Variants in DNAH2 observed in about 807,000 individuals in gnomAD.
DNAH2 encodes the protein axonemal beta dynein heavy chain 2.
DNAH2 carries 323 observed loss-of-function variants against 523.5 expected under a neutral mutation model. The ratio of observed to expected loss-of-function variants is 0.62; its 90% CI spans 0.56 to 0.68. DNAH2 has a LOEUF of 0.68. DNAH2 is among the 30% of genes least tolerant of loss of function. DNAH2 has a pLI of 0.00. For synonymous variants in DNAH2, 2,093 were observed against 2,177.4 expected (o/e 0.96, Z 1.08); for missense variants, 4,907 against 5,701.5 (o/e 0.86, Z 4.49).
chr17:7,792,507 G>T, intron 46 of DNAH2, 150 bp from the exon 47 acceptor site: 1 of 962,960 alleles, frequency 1.0e-6, no homozygotes, highest in Non-Finnish European at 1.6e-6. Flanking sequence ...AGAGGGCTTG[G>T]GACAGGGTCT....
chr17:7,727,688 G>A (rs1370852889), intron 4 of DNAH2, among the ~76,000 whole-genome samples: 4 of 149,958 alleles, frequency 2.7e-5, no homozygotes, highest in African/African-American at 5.0e-5. Context: ...CCTGGGAGGC[G>A]GAGGTTTCAG....
intron 63 of DNAH2, among the ~76,000 whole-genome samples, chr17:7,811,243 G>A (rs932336815): frequency 6.6e-6 from 1 of 152,020 alleles, no homozygotes; most frequent in Non-Finnish European, 1.5e-5. Flanking sequence ...GCATTAAAAC[G>A]CTCCAATAAT....
At chr17:7,728,841 C>T (rs1268227838) in intron 4 of DNAH2, among the ~76,000 whole-genome samples, 1 of 151,950 alleles carries the variant, frequency 6.6e-6, no homozygotes, top group Non-Finnish European at 1.5e-5. Flanking sequence ...AAAAATTAGC[C>T]AGGCATGATG....
Position 7,818,919 on chromosome 17 carries a change from G to T in DNAH2, c.10671G>T (p.Arg3557=). 1 of 1,611,688 alleles carries T rather than the reference G, an allele frequency of 6.2e-7. No homozygotes were observed. Among genetic ancestry groups the T allele is most frequent in the Non-Finnish European group, 8.5e-7 (1 of 1,178,990 alleles). ...CATGTGCCTCTGGGCCTCCCCCTAG[G>T]CTGCTGAATGAGGCCACCGGCTCCC... ...KLKELEDEIL[R]LLNEATGSLL... Residue 3557 remains arginine, a splice_region_variant and synonymous_variant, in exon 71 of 86, where the codon CGG becomes CGT. Coordinates refer to ENST00000572933, the MANE Select transcript of DNAH2 (RefSeq NM_020877.5).
rs966389182 is a variant in DNAH2, at chr17:7,805,048, C to T, written c.9274C>T (p.Leu3092=). Residue 3092 remains leucine (L), a synonymous_variant, in exon 60 of 86, where the codon CTG becomes TTG. Coordinates refer to ENST00000572933, the MANE Select transcript of DNAH2 (RefSeq NM_020877.5). ...DNAQKDLEEA[L]PALEEAMRAL... is the part of the protein sequence containing the mutation. ...TGCCCAGAAAGATCTAGAAGAGGCA[C>T]TGCCCGCCCTGGAAGAGGCCATGCG... The T allele has an allele frequency of 2.5e-6, 4 of 1,614,014 alleles. No homozygotes were observed. The highest frequency in any genetic ancestry group is 3.4e-6 in the Non-Finnish European group (4 of 1,180,036).
chr17:7,787,274 G>A, intron 42 of DNAH2: 3 of 571,852 alleles, frequency 5.2e-6, no homozygotes, highest in Non-Finnish European at 6.1e-6. Flanking sequence ...GGCTTGGGCG[G>A]CCCTCCTCGG....
At chr17:7,745,629 C>A (rs1167088177) in intron 12 of DNAH2, among the ~76,000 whole-genome samples, 1 of 150,748 alleles carries the variant, frequency 6.6e-6, no homozygotes, top group East Asian at 2.0e-4. Context: ...TCAGTGGGGG[C>A]ATAAACAAAA....
At chr17:7,827,203 A>G (rs1269424641) in intron 77 of DNAH2, among the ~76,000 whole-genome samples, 1 of 151,760 alleles carries the variant, frequency 6.6e-6, no homozygotes, top group Non-Finnish European at 1.5e-5. Context: ...CTTCTCTTTT[A>G]TGCTGTTTTT....
intron 12 of DNAH2, among the ~76,000 whole-genome samples, chr17:7,744,715 G>A (rs1340738867): frequency 6.6e-6 from 1 of 152,180 alleles, no homozygotes; most frequent in African/African-American, 2.4e-5. Flanking sequence ...CGTAAACATT[G>A]CCTCATAAAT....
chr17:7,721,236 C>T (rs375627329), intron 2 of DNAH2, among the ~76,000 whole-genome samples: 21 of 151,678 alleles, frequency 1.4e-4, no homozygotes, highest in African/African-American at 4.4e-4. Flanking sequence ...TGCAGTGGTG[C>T]GATCTCAGTT....
chr17:7,804,473 G>A lies in DNAH2; in HGVS notation c.9183+7G>A. 3 of 1,612,364 alleles carry A rather than the reference G, an allele frequency of 1.9e-6. No homozygotes were observed. The highest frequency in any genetic ancestry group is 2.5e-6 in the Non-Finnish European group (3 of 1,179,802). On this transcript the variant is annotated splice_region_variant and intron_variant, in intron 59 of 85. Transcript: ENST00000572933. The stretch of plus-strand genomic sequence containing the variant: ...GGCAGATGAGCAGCAGAAGGTCCAG[G>A]GCCCACGCCCACCCCCCGTGCCCCA...
At position 7,805,406 on chromosome 17, in the gene DNAH2, CAATGA is replaced by C; in HGVS notation, c.9442+17_9442+21del. ...AAGAGGCAGCTAGGTAAGCTAGAGACAATGAAATCAATGACTTCCACTCACCCAGT... is the reference window on the plus strand; with the variant it reads ...AAGAGGCAGCTAGGTAAGCTAGAGACAATCAATGACTTCCACTCACCCAGT... On this transcript the variant is annotated intron_variant, in intron 61 of 85. Transcript: ENST00000572933. 1 of 1,613,922 alleles carries C rather than the reference CAATGA, an allele frequency of 6.2e-7. No homozygotes were observed. The highest frequency in any genetic ancestry group is 8.5e-7 in the Non-Finnish European group (1 of 1,179,974).
chr17:7,727,368 A>G (rs1567603831), intron 4 of DNAH2, 76 bp downstream of exon 4: 4 of 1,538,036 alleles, frequency 2.6e-6, no homozygotes, highest in African/African-American at 1.4e-5. Context: ...ATCATCCTTA[A>G]GTCTTGTCAT....
Position 7,833,146 on chromosome 17 carries a change from G to A in DNAH2, c.13054G>A (p.Glu4352Lys). The change falls in exon 85 of 86, where the codon GAG becomes AAG. Residue 4352 changes from glutamate to lysine, a missense_variant. By Grantham distance (56) the Glu-to-Lys change is moderately conservative. Transcript: ENST00000572933. The stretch of plus-strand genomic sequence containing the variant: ...GAAGAACTCCTGCTTGGTGGAGGCA[G>A]AGCCCATGCAGCTTGTCTGCCTCAT... ...DRKNSCLVEA[E>K]PMQLVCLMPT... 7 of 1,611,466 alleles carry A rather than the reference G, an allele frequency of 4.3e-6. No individual in the cohort carries two copies. The highest frequency in any genetic ancestry group is 1.1e-5 in the South Asian group (1 of 91,082).
intron 7 of DNAH2, among the ~76,000 whole-genome samples, chr17:7,736,453 A>G (rs1171065980): frequency 2.6e-5 from 4 of 152,226 alleles, no homozygotes; most frequent in Non-Finnish European, 4.4e-5. Flanking sequence ...GTATCCACTT[A>G]GTGCGGAGTC....
chr17:7,833,231 C>A lies in DNAH2; in HGVS notation c.13129+10C>A, dbSNP rs373716136. The A allele has an allele frequency of 1.9e-6, 3 of 1,606,642 alleles. No homozygotes were observed. In the African/African-American group the frequency reaches 4.0e-5, roughly 21 times the overall value. ...AAGAAGAGCGCCAAGGGTGGGACAG[C>A]TCCCCAGGCAGGACCTGCCTGCCCC... On this transcript the variant is annotated intron_variant, in intron 85 of 85. Coordinates refer to ENST00000572933, the MANE Select transcript of DNAH2 (RefSeq NM_020877.5).
Position 7,771,724 on chromosome 17 carries a change from A to AT in DNAH2, c.4501+256_4501+257insT, listed in dbSNP as rs2076321619. Among the ~76,000 whole-genome samples the AT allele has an allele frequency of 6.0e-5, 9 of 151,238 alleles. No homozygotes were observed. In the South Asian group the frequency reaches 6.3e-4, roughly 11 times the overall value. ...ATGAGTTTATTTATTTATTAAAAAA[A>AT]ATTTTTTTTTTGAGACAGAGTTTTG... On this transcript the variant is annotated intron_variant, in intron 28 of 85. Transcript: ENST00000572933.
Position 7,759,499 on chromosome 17 carries a change from G to A in DNAH2, c.2526G>A (p.Trp842Ter). 1.9e-6 allele frequency: 3 copies of A among 1,614,170 alleles called. No individual in the cohort carries two copies. Among genetic ancestry groups the A allele is most frequent in the Non-Finnish European group, 2.5e-6 (3 of 1,180,032 alleles). The change falls in exon 16 of 86, where the codon TGG becomes TGA. Residue 842 changes from tryptophan (W) to a stop codon, truncating the protein, a stop_gained. Coordinates refer to ENST00000572933, the MANE Select transcript of DNAH2 (RefSeq NM_020877.5). LOFTEE classifies it high-confidence loss of function. ...ATGCCCTGCGCCTGAATGTGAAGTGGTCACTGCTAGAACTATCCAAGGCTA... is the reference window on the plus strand; with the variant it reads ...ATGCCCTGCGCCTGAATGTGAAGTGATCACTGCTAGAACTATCCAAGGCTA... ...MEDALRLNVK[W>*]SLLELSKAIN...
chr17:7,798,129 A>T lies in DNAH2; in HGVS notation c.8231-28A>T. The T allele has an allele frequency of 5.1e-6, 8 of 1,561,256 alleles. No individual in the cohort carries two copies. The highest frequency in any genetic ancestry group is 2.7e-5 in the African/African-American group (2 of 73,904). On this transcript the variant is annotated intron_variant, in intron 53 of 85. Transcript: ENST00000572933. This position sits in a 1 kb window ranked among gnomAD's most constrained non-coding sequence, Gnocchi z 5.5. ...TCCCCTGAGTTTGCTCAGCCAACTC[A>T]TTACCCTCACACCCACCCCACCCCC...
Sources: gnomAD v4.1 joint callset for allele counts (sites outside exome capture counted in the v4.1 genomes callset) on GRCh38, gnomAD v4.1.1 for gene constraint, Gnocchi (gnomAD v3.1) non-coding constraint, MANE v1.5 for transcripts, NCBI Gene and HGNC (gene_info 2026-07-23, HGNC 2026-07-21) for gene names.